Variants in ABR observed in about 807,000 individuals in gnomAD.
ABR encodes active breakpoint cluster region-related protein.
ABR carries 35 observed loss-of-function variants against 107.2 expected under a neutral mutation model. The ratio of observed to expected loss-of-function variants is 0.33; its 90% CI spans 0.25 to 0.43. ABR has a LOEUF of 0.43. ABR is among the 20% of genes least tolerant of loss of function. The pLI is 1.00. For synonymous variants in ABR, 498 were observed against 462.0 expected (o/e 1.08, Z -1.00); for missense variants, 815 against 1,115.2 (o/e 0.73, Z 3.83).
In ABR at chr17:1,150,253, A is replaced by G. The variant is rs1279535779; in HGVS notation, c.62-24886T>C. ...GACAAAGCTCTTCATCTTGCTAAAG[A>G]TAACAGAGCACTTGGCCAAGCCAGC... On this transcript the variant is annotated intron_variant, in intron 1 of 22. Coordinates refer to ENST00000302538, the MANE Select transcript of ABR (RefSeq NM_021962.5). This position sits in a 1 kb window ranked among gnomAD's most constrained non-coding sequence, Gnocchi z 4.8. Among the ~76,000 whole-genome samples the G allele has an allele frequency of 6.6e-6, 1 of 152,196 alleles. No individual in the cohort carries two copies. The highest frequency in any genetic ancestry group is 1.5e-5 in the Non-Finnish European group (1 of 68,032).
intron 2 of ABR, among the ~76,000 whole-genome samples, chr17:1,123,856 G>A (rs1051471809): frequency 6.6e-6 from 1 of 152,156 alleles, no homozygotes; most frequent in Non-Finnish European, 1.5e-5. Context: ...ATGCCTCCAG[G>A]AGAACCAGGG....
At chr17:1,195,038 T>C (rs928830043) in intron 1 of ABR, among the ~76,000 whole-genome samples, 1 of 143,460 alleles carries the variant, frequency 7.0e-6, no homozygotes, top group African/African-American at 2.5e-5. Context: ...CCAGGCGCGG[T>C]GGCTCACGCC....
At chr17:1,090,984 G>A (rs2151294654) in intron 4 of ABR, among the ~76,000 whole-genome samples, 1 of 152,284 alleles carries the variant, frequency 6.6e-6, no homozygotes. Context: ...GAAGCACAGG[G>A]AACCAGAAGA....
At chr17:1,184,027 A>G (rs1598083539), upstream of ABR, among the ~76,000 whole-genome samples, 4 of 151,878 alleles carry the variant, frequency 2.6e-5, no homozygotes, top group Admixed American at 2.6e-4. Flanking sequence ...CCTGGCCAGC[A>G]TGGTGAAACC....
intron 2 of ABR, among the ~76,000 whole-genome samples, chr17:1,114,503 T>C (rs1260882258): frequency 6.7e-6 from 1 of 148,564 alleles, no homozygotes; most frequent in African/African-American, 2.5e-5. Context: ...CCGGGCGCAG[T>C]GGCTCACACC....
intron 11 of ABR, 91 bp from the exon 12 acceptor site, chr17:1,058,136 CTTTTTT>C (rs71148422): frequency 3.5e-5 from 11 of 318,082 alleles, no homozygotes; most frequent in South Asian, 5.3e-5. Flanking sequence ...CTCCTTTTAT[CTTTTTT>C]TTTTTTTTTT....
At chr17:1,203,594 T>G (rs572046106) in intron 1 of ABR, among the ~76,000 whole-genome samples, 1 of 150,728 alleles carries the variant, frequency 6.6e-6, no homozygotes, top group Non-Finnish European at 1.5e-5. Flanking sequence ...GTTAATCCAG[T>G]CGGGAACCCC....
rs918804206 is a variant in ABR at position 1,179,366 on chromosome 17, G to A, written c.61+301C>T. ...CGGGTTCACAACAGGTGGGAGGGGG[G>A]ACGCAGCTCTCGGCTCGGTCCGCCC... On this transcript the variant is annotated intron_variant, in intron 1 of 22. Transcript: ENST00000302538. The surrounding 1 kb of genome is among the most constrained non-coding windows in gnomAD (Gnocchi z 4.9). Among the ~76,000 whole-genome samples the A allele has an allele frequency of 6.6e-5, 10 of 152,132 alleles. No homozygotes were observed. Among genetic ancestry groups the A allele is most frequent in the Admixed American group, 3.3e-4 (5 of 15,282 alleles).
In ABR at chr17:1,211,258, G is replaced by T. The variant is rs140014010; in HGVS notation, c.838+17535C>A. Among the ~76,000 whole-genome samples, 4 of 152,046 alleles carry T rather than the reference G, an allele frequency of 2.6e-5. No individual in the cohort carries two copies. The East Asian group carries it at 7.7e-4, about 29-fold the overall frequency. ...CTCTCCACTTCTTTCCAGCCTGGGC[G>T]ACAGAGTGAGGCTCCGTCTCAAAAA... On this transcript the variant is annotated intron_variant, in intron 1 of 22. Transcript: ENST00000574139.
Position 1,011,045 on chromosome 17 carries a change from A to C in ABR, c.2102-182T>G. 1 of 730,936 alleles carries C rather than the reference A, an allele frequency of 1.4e-6. No homozygotes were observed. The highest frequency in any genetic ancestry group is 2.2e-6 in the Non-Finnish European group (1 of 453,940). 45.3% of individuals were successfully genotyped at this position (730,936 alleles called of 1,614,324 possible). On this transcript the variant is annotated intron_variant, in intron 19 of 22. Transcript: ENST00000302538. This position sits in a 1 kb window ranked among gnomAD's most constrained non-coding sequence, Gnocchi z 4.8. ...CGGCTCTGTGGGTCGGGGTTGGGGG[A>C]ACAGGGAGAGATAGCCTGGGGGCCA...
intron 1 of ABR, among the ~76,000 whole-genome samples, chr17:1,163,279 G>C (rs907607773): frequency 5.3e-5 from 8 of 152,152 alleles, no homozygotes; most frequent in African/African-American, 1.4e-4. Flanking sequence ...TGCATCAATC[G>C]CATCGTGATT....
At chr17:1,134,796 C>G (rs576664777) in intron 1 of ABR, among the ~76,000 whole-genome samples, 3 of 152,184 alleles carry the variant, frequency 2.0e-5, no homozygotes, top group Non-Finnish European at 4.4e-5. Flanking sequence ...GGTCCGGCAG[C>G]GGAGGTTCCA....
chr17:1,136,308 A>ACGCTCCACCTCCC (rs2040064738), intron 1 of ABR, among the ~76,000 whole-genome samples: 1 of 59,408 alleles, frequency 1.7e-5, no homozygotes, highest in Admixed American at 2.0e-4. Context: ...AGCTCACTGC[A>ACGCTCCACCTCCC]AGCTCCACCT....
intron 16 of ABR, among the ~76,000 whole-genome samples, chr17:1,028,131 C>T (rs909367445): frequency 6.6e-6 from 1 of 152,144 alleles, no homozygotes; most frequent in Non-Finnish European, 1.5e-5. Flanking sequence ...CGCTCTGTTG[C>T]CCAGGCTGGA....
intron 1 of ABR, among the ~76,000 whole-genome samples, chr17:1,171,719 G>A (rs1219602692): frequency 1.3e-5 from 2 of 152,146 alleles, no homozygotes; most frequent in East Asian, 1.9e-4. Context: ...ATCACCTGAG[G>A]TCAGGAGTTC....
rs1003172516 is a variant in ABR, at chr17:1,050,673, G to A, written c.1562-39C>T. ...ACAGACGGAGATACTGAGTGAGTGGGGCCAGGGTGGGGCAGCTGGGGCGGC... is the reference window on the plus strand; with the variant it reads ...ACAGACGGAGATACTGAGTGAGTGGAGCCAGGGTGGGGCAGCTGGGGCGGC... On this transcript the variant is annotated intron_variant, in intron 14 of 22. Transcript: ENST00000302538. The surrounding 1 kb of genome is among the most constrained non-coding windows in gnomAD (Gnocchi z 4.6). 1.3e-6 allele frequency: 2 copies of A among 1,560,060 alleles called. No homozygotes were observed. Among genetic ancestry groups the A allele is most frequent in the Non-Finnish European group, 1.8e-6 (2 of 1,131,858 alleles).
intron 9 of ABR, among the ~76,000 whole-genome samples, chr17:1,068,932 C>T: frequency 6.6e-6 from 1 of 152,218 alleles, no homozygotes; most frequent in East Asian, 1.9e-4. Flanking sequence ...GTCACGGCAC[C>T]TGGCATGGCA....
Position 1,069,769 on chromosome 17 carries a change from C to T in ABR, c.1016+200G>A, listed in dbSNP as rs571357083. Among the ~76,000 whole-genome samples, 693 of 144,598 alleles carry T rather than the reference C, an allele frequency of 4.8e-3. 10 individuals are homozygous for T. The highest frequency in any genetic ancestry group is 0.016 in the African/African-American group (604 of 38,880). The allele number at this position is 144,598 out of a possible 152,430, so 94.9% of individuals were successfully genotyped here. ...TGCCACTGGACTCACACACTCACCC[C>T]GCAGAGGTCAGGACCCCCTCCCCCG... On this transcript the variant is annotated intron_variant, in intron 9 of 22. Coordinates refer to ENST00000302538, the MANE Select transcript of ABR (RefSeq NM_021962.5).
chr17:1,044,174 CG>C (rs1374089229), intron 16 of ABR, among the ~76,000 whole-genome samples: 1 of 144,728 alleles, frequency 6.9e-6, no homozygotes, highest in Non-Finnish European at 1.5e-5. Flanking sequence ...CAGACTACGC[CG>C]GGGGCAGGGG....
Sources: gnomAD v4.1 joint callset for allele counts (sites outside exome capture counted in the v4.1 genomes callset) on GRCh38, gnomAD v4.1.1 for gene constraint, Gnocchi (gnomAD v3.1) non-coding constraint, MANE v1.5 for transcripts, NCBI Gene and HGNC (gene_info 2026-07-23, HGNC 2026-07-21) for gene names.